COL13A1: variants seen among roughly 807,000 people sequenced by gnomAD.
The protein encoded by COL13A1 is collagen alpha-1(XIII) chain.
Under a neutral mutation model 130.9 loss-of-function variants are expected in COL13A1, and 89 were observed. That is an observed-to-expected ratio of 0.68 (90% CI 0.57 to 0.81). COL13A1 has a LOEUF of 0.81. Among genes scored for constraint, COL13A1 ranks in the 30% least tolerant of loss-of-function variants. The probability of loss-of-function intolerance (pLI) is 0.00; values close to 1 mark genes in which losing one functional copy is unlikely to be tolerated. For missense variants in COL13A1, 879 were observed against 934.6 expected (o/e 0.94, Z 0.78); for synonymous variants, 402 against 341.6 (o/e 1.18, Z -1.95).
intron 17 of COL13A1, among the ~76,000 whole-genome samples, chr10:69,906,764 C>T (rs1380075756): frequency 3.9e-5 from 6 of 151,982 alleles, no homozygotes; most frequent in Non-Finnish European, 8.8e-5. Context: ...CAGAGTCTAA[C>T]TCTGTCACCA....
rs527475682 is a variant in COL13A1 at position 69,937,091 on chromosome 10, G to A, written c.1797+309G>A. Among the ~76,000 whole-genome samples, 3 of 152,320 alleles carry A rather than the reference G, an allele frequency of 2.0e-5. 1 individual carries two copies. The South Asian group carries it at 6.2e-4, about 32-fold the overall frequency. The stretch of plus-strand genomic sequence containing the variant: ...TCACTCATGCCGAGTAGAGGTGGGA[G>A]AGAGACAGCAACATAGGGTGGGACC... On this transcript the variant is annotated intron_variant, in intron 33 of 40. Coordinates refer to ENST00000645393, the MANE Select transcript of COL13A1 (RefSeq NM_001368882.1).
chr10:69,953,625 C>A (rs2070044460), intron 39 of COL13A1, among the ~76,000 whole-genome samples: 1 of 152,184 alleles, frequency 6.6e-6, no homozygotes, highest in Middle Eastern at 3.2e-3. Flanking sequence ...TTCTCAAGTG[C>A]CTTTGAATCC....
chr10:69,868,564 G>A (rs2058757335), intron 3 of COL13A1, among the ~76,000 whole-genome samples: 1 of 152,172 alleles, frequency 6.6e-6, no homozygotes, highest in African/African-American at 2.4e-5. Flanking sequence ...TGGGGGAGCT[G>A]GAGATAGGAA....
At chr10:69,949,820 T>C (rs370724902) in intron 38 of COL13A1, among the ~76,000 whole-genome samples, 1 of 151,768 alleles carries the variant, frequency 6.6e-6, no homozygotes, top group African/African-American at 2.4e-5. Context: ...TGGATGTTAC[T>C]GTGGAGCTGC....
At chr10:69,899,431 T>A (rs1348901622) in intron 14 of COL13A1, among the ~76,000 whole-genome samples, 1 of 152,198 alleles carries the variant, frequency 6.6e-6, no homozygotes, top group East Asian at 1.9e-4. Flanking sequence ...ATACTAACAG[T>A]AAGAGGCAGA....
chr10:69,840,555 C>T (rs1236451938), intron 2 of COL13A1, among the ~76,000 whole-genome samples: 1 of 152,168 alleles, frequency 6.6e-6, no homozygotes, highest in Non-Finnish European at 1.5e-5. Flanking sequence ...TCCTTGCTCA[C>T]TAAATCCTGA....
intron 10 of COL13A1, among the ~76,000 whole-genome samples, chr10:69,893,344 C>T (rs961035993): frequency 6.6e-6 from 1 of 152,222 alleles, no homozygotes; most frequent in South Asian, 2.1e-4. Flanking sequence ...AGAGCGAGAC[C>T]CTGTCTCAAT....
chr10:69,859,386 C>G (rs1313673336), intron 2 of COL13A1, among the ~76,000 whole-genome samples: 1 of 152,262 alleles, frequency 6.6e-6, no homozygotes, highest in East Asian at 1.9e-4. Flanking sequence ...CAGCCCCTCC[C>G]AGGCCTCTGA....
At chr10:69,952,851 T>G (rs756449752) in intron 38 of COL13A1, 31 bp from the exon 39 acceptor site, 8 of 1,462,350 alleles carry the variant, frequency 5.5e-6, no homozygotes, top group African/African-American at 1.5e-5. Context: ...AGTTTTGATG[T>G]TTTTTTCTCG....
intron 37 of COL13A1, among the ~76,000 whole-genome samples, chr10:69,946,467 G>A (rs951946028): frequency 6.6e-6 from 1 of 152,264 alleles, no homozygotes; most frequent in Non-Finnish European, 1.5e-5. Flanking sequence ...GAAGTTGAGT[G>A]TCTGCCTGAG....
intron 34 of COL13A1, among the ~76,000 whole-genome samples, chr10:69,940,779 G>A (rs1475953488): frequency 6.6e-6 from 1 of 152,202 alleles, no homozygotes; most frequent in African/African-American, 2.4e-5. Flanking sequence ...GCCAGCCACT[G>A]CATTCAGTGT....
chr10:69,946,322 T>C lies in COL13A1; in HGVS notation c.2022+598T>C, dbSNP rs367743235. Among the ~76,000 whole-genome samples the C allele has an allele frequency of 1.4e-4, 21 of 152,292 alleles. No homozygotes were observed. In the East Asian group the frequency reaches 2.3e-3, roughly 17 times the overall value. ...CCTGCCCTCAGCAATGTGTGCGCCATGGCCCCTGCCCTCAGAAGGGGCAGA... is the reference window on the plus strand; with the variant it reads ...CCTGCCCTCAGCAATGTGTGCGCCACGGCCCCTGCCCTCAGAAGGGGCAGA... On this transcript the variant is annotated intron_variant, in intron 37 of 40. Coordinates refer to ENST00000645393, the MANE Select transcript of COL13A1 (RefSeq NM_001368882.1).
chr10:69,892,712 T>C (rs1439396788), intron 10 of COL13A1, among the ~76,000 whole-genome samples: 1 of 152,240 alleles, frequency 6.6e-6, no homozygotes. Flanking sequence ...AGGTGCTGCC[T>C]GGCTGAAGAT....
chr10:69,944,253 A>C, intron 36 of COL13A1, 75 bp downstream of exon 36: 8 of 1,230,936 alleles, frequency 6.5e-6, no homozygotes, highest in Non-Finnish European at 8.4e-6. Context: ...CAGGGGTCTC[A>C]GCCCTCATGC....
chr10:69,874,988 G>A (rs2059433120), intron 4 of COL13A1, 140 bp from the exon 5 acceptor site: 3 of 898,966 alleles, frequency 3.3e-6, no homozygotes, highest in South Asian at 3.1e-5. Flanking sequence ...CATGATGCTT[G>A]GGCATCATAC....
rs928594186 is a variant in COL13A1, at chr10:69,946,532, C to T, written c.2023-775C>T. Among the ~76,000 whole-genome samples, 8 of 152,184 alleles carry T rather than the reference C, an allele frequency of 5.3e-5. No homozygotes were observed. The East Asian group carries it at 5.8e-4, about 11-fold the overall frequency. ...GGAGGCTGTGTGTGTTGGCCAGGTACGCACATCTGGGCCAGGCTTGTCTCA... is the reference window on the plus strand; with the variant it reads ...GGAGGCTGTGTGTGTTGGCCAGGTATGCACATCTGGGCCAGGCTTGTCTCA... On this transcript the variant is annotated intron_variant, in intron 37 of 40. Coordinates refer to ENST00000645393, the MANE Select transcript of COL13A1 (RefSeq NM_001368882.1).
rs918984928 is a variant in COL13A1, at chr10:69,841,183, C to A, written c.364+18745C>A. ...TTCCCTCTGCCAGGAACCCCCTCAT[C>A]TCCACCTTTGCCTGTTAACTCTCCC... On this transcript the variant is annotated intron_variant, in intron 2 of 40. Transcript: ENST00000645393. 5.9e-5 allele frequency among the ~76,000 whole-genome samples: 9 copies of A among 152,198 alleles called. 3 individuals are homozygous for A.
chr10:69,875,073 A>T, intron 4 of COL13A1, 55 bp from the exon 5 acceptor site: 1 of 1,612,908 alleles, frequency 6.2e-7, no homozygotes, highest in Non-Finnish European at 8.5e-7. Flanking sequence ...AGGGTCCTTC[A>T]CATGCTAGCC....
intron 6 of COL13A1, among the ~76,000 whole-genome samples, chr10:69,878,478 G>A (rs944499507): frequency 1.3e-5 from 2 of 150,578 alleles, no homozygotes; most frequent in African/African-American, 4.9e-5. Context: ...ATTTCTGAGA[G>A]CAACACTTCT....
Sources: allele counts gnomAD v4.1 joint callset (sites outside exome capture counted in the v4.1 genomes callset), GRCh38; gene constraint gnomAD v4.1.1; transcripts MANE v1.5; gene names NCBI Gene and HGNC (gene_info 2026-07-23, HGNC 2026-07-21).